Variants in MID2 observed in about 807,000 individuals in gnomAD.
MID2 encodes probable E3 ubiquitin-protein ligase MID2.
MID2 carries 13 observed loss-of-function variants against 46.1 expected under a neutral mutation model. The observed-to-expected ratio is 0.28, with a 90% CI of 0.18 to 0.45. The LOEUF is 0.45. Among genes scored for constraint, MID2 ranks in the 20% least tolerant of loss-of-function variants. MID2 has a pLI of 1.00. For synonymous variants in MID2, 199 were observed against 212.3 expected (o/e 0.94, Z 0.55); for missense variants, 431 against 575.4 (o/e 0.75, Z 2.57).
chrX:107,844,101 G>A (rs1931407790), intron 2 of MID2, among the ~76,000 whole-genome samples: 2 of 110,838 alleles, frequency 1.8e-5, no homozygotes, highest in Middle Eastern at 4.2e-3. Flanking sequence ...TTTTATATAC[G>A]AACCTCCCTG....
intron 7 of MID2, among the ~76,000 whole-genome samples, chrX:107,923,183 A>T (rs763972519): frequency 1.1e-4 from 12 of 111,651 alleles, no homozygotes; most frequent in Non-Finnish European, 1.9e-4. Flanking sequence ...TCAATTTTCA[A>T]CCTCACTAAA....
intron 3 of MID2, among the ~76,000 whole-genome samples, chrX:107,876,292 G>A (rs946963041): frequency 9.0e-6 from 1 of 111,162 alleles, no homozygotes; most frequent in Non-Finnish European, 1.9e-5. Flanking sequence ...AGTACTATCT[G>A]GTCCCAGGGT....
At position 107,892,573 on chromosome X, in the gene MID2, T is replaced by G. The variant is rs1410704070; in HGVS notation, c.817-11385T>G. ...TTTCCACATTGCTGTGGAAATGAAC[T>G]TGTAAAATGCAAAACCTGTCATGTC... On this transcript the variant is annotated intron_variant, in intron 3 of 9. Transcript: ENST00000262843. 6.3e-5 allele frequency among the ~76,000 whole-genome samples: 7 copies of G among 111,773 alleles called. No homozygotes were observed. In the East Asian group the frequency reaches 2.0e-3, roughly 32 times the overall value.
intron 5 of MID2, among the ~76,000 whole-genome samples, chrX:107,915,042 C>T (rs1213303299): frequency 8.9e-6 from 1 of 112,112 alleles, no homozygotes; most frequent in Non-Finnish European, 1.9e-5. Flanking sequence ...ATATACTAAG[C>T]ACCCAATAAA....
chrX:107,905,059 CAT>C (rs757952050), intron 4 of MID2, among the ~76,000 whole-genome samples: 1 of 111,163 alleles, frequency 9.0e-6, no homozygotes, highest in Non-Finnish European at 1.9e-5. Context: ...TTTTAGTAAA[CAT>C]ATATGTGAAA....
intron 3 of MID2, among the ~76,000 whole-genome samples, chrX:107,893,824 G>T (rs1397561692): frequency 8.9e-6 from 1 of 112,761 alleles, no homozygotes; most frequent in Non-Finnish European, 1.9e-5. Flanking sequence ...ATAATATAAA[G>T]TACTAGCACA....
intron 9 of MID2, 39 bp downstream of exon 9, chrX:107,926,340 G>A (rs112058010): frequency 4.4e-5 from 46 of 1,057,334 alleles, no homozygotes; most frequent in African/African-American, 2.6e-4. Flanking sequence ...TCTGTCCTCT[G>A]TCATTAGGTT....
At chrX:107,878,188 TGCCCGTG>T (rs753967966) in intron 3 of MID2, among the ~76,000 whole-genome samples, 1 of 110,972 alleles carries the variant, frequency 9.0e-6, no homozygotes, top group East Asian at 2.9e-4. Context: ...GCTGGACAGC[TGCCCGTG>T]TGGGGTCCCT....
rs903451429 is a variant in MID2, at chrX:107,894,160, C to G, written c.817-9798C>G. Among the ~76,000 whole-genome samples the G allele has an allele frequency of 9.0e-5, 10 of 111,688 alleles. No individual in the cohort carries two copies. In the Admixed American group the frequency reaches 9.5e-4, roughly 11 times the overall value. ...TCTATATACCGATTTGTCTCCCCAC[C>G]AGACTAAGCTCTCAGGCCGAGTATG... On this transcript the variant is annotated intron_variant, in intron 3 of 9. Transcript: ENST00000262843.
intron 3 of MID2, among the ~76,000 whole-genome samples, chrX:107,855,823 C>A (rs1265265479): frequency 3.6e-5 from 4 of 111,800 alleles, no homozygotes; most frequent in African/African-American, 1.3e-4. Flanking sequence ...TTAATCCCTG[C>A]TGGGCACTCC....
chrX:107,864,430 A>AT (rs1210407252), intron 3 of MID2, among the ~76,000 whole-genome samples: 1 of 111,031 alleles, frequency 9.0e-6, no homozygotes. Flanking sequence ...TGCTCAGATT[A>AT]TTTTTGTGCC....
intron 3 of MID2, among the ~76,000 whole-genome samples, chrX:107,868,763 AAC>A: frequency 9.0e-6 from 1 of 110,863 alleles, no homozygotes; most frequent in East Asian, 2.8e-4. Context: ...TGTTAAGAGA[AAC>A]ACAGAATTAA....
chrX:107,900,686 C>CGAA (rs1375549391), intron 3 of MID2, among the ~76,000 whole-genome samples: 2 of 112,120 alleles, frequency 1.8e-5, no homozygotes, highest in African/African-American at 6.5e-5. Flanking sequence ...CTCTCCTTCA[C>CGAA]ACCTTTTTAA....
intron 3 of MID2, among the ~76,000 whole-genome samples, chrX:107,857,406 G>A (rs1366200257): frequency 9.2e-6 from 1 of 109,158 alleles, no homozygotes; most frequent in Admixed American, 9.8e-5. Context: ...TCAGCCTCCC[G>A]ACTAGCTGGG....
Position 107,921,513 on chromosome X carries a change from C to A in MID2, c.1436-2830C>A, listed in dbSNP as rs936923711. Among the ~76,000 whole-genome samples, 3 of 110,991 alleles carry A rather than the reference C, an allele frequency of 2.7e-5. No homozygotes were observed. The Admixed American group carries it at 2.9e-4, about 11-fold the overall frequency. On this transcript the variant is annotated intron_variant, in intron 7 of 9. Coordinates refer to ENST00000262843, the MANE Select transcript of MID2 (RefSeq NM_012216.4). The stretch of plus-strand genomic sequence containing the variant: ...CAAACCATCTCATCCCTACCCCCAC[C>A]CTTGTTTTATTATCAGTTGATGATA...
rs774234963 is a variant in MID2 at position 107,897,617 on chromosome X, G to T, written c.817-6341G>T. Among the ~76,000 whole-genome samples, 3 of 111,361 alleles carry T rather than the reference G, an allele frequency of 2.7e-5. No individual in the cohort carries two copies. The East Asian group carries it at 8.5e-4, about 31-fold the overall frequency. Reference sequence around the variant, plus strand: ...TTCTTCCTCTTCCTTTTGTACATTTGAAACTTCCTGATATAACAGGGCTAT... The same window carrying T: ...TTCTTCCTCTTCCTTTTGTACATTTTAAACTTCCTGATATAACAGGGCTAT... On this transcript the variant is annotated intron_variant, in intron 3 of 9. Transcript: ENST00000262843.
intron 8 of MID2, among the ~76,000 whole-genome samples, chrX:107,924,951 A>G (rs774724082): frequency 1.8e-5 from 2 of 112,445 alleles, no homozygotes; most frequent in Admixed American, 9.4e-5. Flanking sequence ...ACATACACAT[A>G]GGAAGAAGTT....
At chrX:107,837,366 G>A (rs1017323771) in intron 1 of MID2, among the ~76,000 whole-genome samples, 2 of 111,187 alleles carry the variant, frequency 1.8e-5, no homozygotes, top group Non-Finnish European at 3.8e-5. Context: ...CAGACATTGA[G>A]GAATGCAGGC....
chrX:107,858,056 T>G (rs917633861), intron 3 of MID2, among the ~76,000 whole-genome samples: 5 of 112,140 alleles, frequency 4.5e-5, no homozygotes, highest in African/African-American at 1.6e-4. Context: ...TGTTCTCTAT[T>G]CTCCTCAGAA....
Sources: allele counts gnomAD v4.1 joint callset (sites outside exome capture counted in the v4.1 genomes callset), GRCh38; gene constraint gnomAD v4.1.1; transcripts MANE v1.5; gene names NCBI Gene and HGNC (gene_info 2026-07-23, HGNC 2026-07-21).